Variants in DISP1 observed in about 807,000 individuals in gnomAD.
DISP1 encodes dispatched RND transporter family member 1, also known as protein dispatched homolog 1.
DISP1 carries 30 observed loss-of-function variants against 37.3 expected under a neutral mutation model. The observed-to-expected ratio is 0.80, with a 90% CI of 0.60 to 1.09. The LOEUF (loss-of-function observed/expected upper bound fraction) is 1.09, where lower values mean the gene tolerates loss of function less well. Among genes scored for constraint, DISP1 ranks in the 50% least tolerant of loss-of-function variants. The probability of loss-of-function intolerance (pLI) is 0.00; values close to 1 mark genes in which losing one functional copy is unlikely to be tolerated. For synonymous variants in DISP1, 634 were observed against 690.2 expected (o/e 0.92, Z 1.28); for missense variants, 1,598 against 1,879.5 (o/e 0.85, Z 2.77).
At chr1:222,847,371 G>T (rs1182938110) in intron 1 of DISP1, among the ~76,000 whole-genome samples, 1 of 152,122 alleles carries the variant, frequency 6.6e-6, no homozygotes, top group Non-Finnish European at 1.5e-5. Context: ...TAGAAACAAA[G>T]ATCTGAACAC....
At chr1:222,849,582 C>T (rs1316779367) in intron 1 of DISP1, among the ~76,000 whole-genome samples, 2 of 152,130 alleles carry the variant, frequency 1.3e-5, no homozygotes, top group South Asian at 4.1e-4. Flanking sequence ...GGCCACCAAT[C>T]TGACAAACAT....
chr1:222,949,133 C>T (rs1675021753), intron 3 of DISP1, among the ~76,000 whole-genome samples: 1 of 152,068 alleles, frequency 6.6e-6, no homozygotes, highest in South Asian at 2.1e-4. Flanking sequence ...GTGGCTTGAG[C>T]TTGTAATCCC....
intron 7 of DISP1, among the ~76,000 whole-genome samples, chr1:222,994,212 G>GCTAACTAT (rs1678896942): frequency 6.6e-6 from 1 of 152,102 alleles, no homozygotes; most frequent in South Asian, 2.1e-4. Flanking sequence ...AGTTGCCTAA[G>GCTAACTAT]GTCACGTAGC....
At chr1:222,849,267 C>T (rs1270984178) in intron 1 of DISP1, among the ~76,000 whole-genome samples, 2 of 152,176 alleles carry the variant, frequency 1.3e-5, no homozygotes, top group African/African-American at 2.4e-5. Flanking sequence ...CAACCACTCA[C>T]TTATAAAAGA....
intron 3 of DISP1, among the ~76,000 whole-genome samples, chr1:222,973,622 G>A (rs1677105161): frequency 6.6e-6 from 1 of 152,158 alleles, no homozygotes; most frequent in African/African-American, 2.4e-5. Flanking sequence ...TTATTAATAA[G>A]TGAACATTAA....
rs759932402 is a variant in DISP1 at position 223,002,406 on chromosome 1, G to T, written c.1009G>T (p.Gly337Cys). The T allele has an allele frequency of 6.2e-7, 1 of 1,614,010 alleles. No individual in the cohort carries two copies. Among genetic ancestry groups the T allele is most frequent in the South Asian group, 1.1e-5 (1 of 91,060 alleles). The part of the protein sequence containing the change: ...NSRIRSHPQF[G>C]DLCQRTTAAS... ...GCAGATCAGATCTCATCCCCAGTTT[G>T]GTGATCTCTGCCAGAGGACCACTGC... The change falls in exon 9 of 9, where the codon GGT becomes TGT. Residue 337 changes from glycine (G) to cysteine (C), a missense_variant. Gly to Cys is a radical substitution (Grantham distance 159). Coordinates refer to ENST00000675850, the MANE Select transcript of DISP1 (RefSeq NM_001377229.1).
At chr1:222,865,822 A>G (rs1669154761) in intron 1 of DISP1, among the ~76,000 whole-genome samples, 1 of 152,166 alleles carries the variant, frequency 6.6e-6, no homozygotes, top group African/African-American at 2.4e-5. Context: ...TACACAGAAT[A>G]ATAACTATAA....
chr1:222,925,225 T>A (rs1211911959), intron 1 of DISP1, among the ~76,000 whole-genome samples: 3 of 152,136 alleles, frequency 2.0e-5, no homozygotes, highest in Admixed American at 6.5e-5. Flanking sequence ...GATAAAAATA[T>A]AAATAAGAAT....
At position 222,898,727 on chromosome 1, in the gene DISP1, C is replaced by T. The variant is rs182568036; in HGVS notation, c.-158-29703C>T. Among the ~76,000 whole-genome samples, 521 of 152,180 alleles carry T rather than the reference C, an allele frequency of 3.4e-3. 1 individual carries two copies. The Middle Eastern group carries it at 0.038, about 11-fold the overall frequency. On this transcript the variant is annotated intron_variant, in intron 1 of 8. Coordinates refer to ENST00000675850, the MANE Select transcript of DISP1 (RefSeq NM_001377229.1). ...AAATGTGTCACCCACATGACCCACA[C>T]GACAGTTTACTGCACTTGGTGGGAA...
chr1:222,937,077 T>G (rs952583277), intron 2 of DISP1, among the ~76,000 whole-genome samples: 16 of 662 alleles, frequency 0.024, no homozygotes, highest in African/African-American at 0.11. Context: ...ATATATTATT[T>G]AATATATTAC....
At chr1:222,917,296 G>A (rs543618761) in intron 1 of DISP1, among the ~76,000 whole-genome samples, 1 of 152,262 alleles carries the variant, frequency 6.6e-6, no homozygotes, top group Non-Finnish European at 1.5e-5. Context: ...GCGGCAAGTG[G>A]CACCCAAACA....
intron 7 of DISP1, 64 bp from the exon 8 acceptor site, chr1:222,994,817 CTGAG>C: frequency 5.1e-6 from 6 of 1,186,482 alleles, no homozygotes; most frequent in Non-Finnish European, 7.5e-6. Context: ...TTTCCAAATC[CTGAG>C]TCTTATGAAA....
At chr1:222,871,290 A>G (rs1310270795) in intron 1 of DISP1, among the ~76,000 whole-genome samples, 5 of 152,132 alleles carry the variant, frequency 3.3e-5, no homozygotes, top group African/African-American at 1.2e-4. Context: ...TTTTGGTTCC[A>G]TATGAACTTT....
At chr1:222,914,936 C>T (rs1317795077) in intron 1 of DISP1, among the ~76,000 whole-genome samples, 1 of 152,064 alleles carries the variant, frequency 6.6e-6, no homozygotes, top group Admixed American at 6.6e-5. Context: ...CACTGCAGTC[C>T]AGCTTGGTTG....
Position 223,002,895 on chromosome 1 carries a change from C to A in DISP1, c.1498C>A (p.Leu500Ile). ...GIKHSLFQDY[L>I]LMDTVYPAIA... is the part of the protein sequence containing the mutation. ...CAAACACAGTTTGTTTCAGGATTAT[C>A]TTCTAATGGATACTGTGTATCCTGC... The change falls in exon 9 of 9, where the codon CTT becomes ATT. Residue 500 changes from leucine to isoleucine, a missense_variant. Coordinates refer to ENST00000675850, the MANE Select transcript of DISP1 (RefSeq NM_001377229.1). 6.2e-7 allele frequency: 1 copy of A among 1,613,984 alleles called. No individual in the cohort carries two copies. The highest frequency in any genetic ancestry group is 1.1e-5 in the South Asian group (1 of 91,080).
At chr1:222,825,069 A>G (rs889349055) in intron 1 of DISP1, among the ~76,000 whole-genome samples, 1 of 149,668 alleles carries the variant, frequency 6.7e-6, no homozygotes, top group African/African-American at 2.5e-5. Flanking sequence ...TTGCCCTAGA[A>G]GCCTGTTCAG....
intron 1 of DISP1, among the ~76,000 whole-genome samples, chr1:222,892,480 T>G (rs1670995968): frequency 6.6e-6 from 1 of 152,236 alleles, no homozygotes; most frequent in African/African-American, 2.4e-5. Context: ...AATAATAAGT[T>G]TTGACAGCAA....
chr1:222,872,772 C>T (rs965614117), intron 1 of DISP1, among the ~76,000 whole-genome samples: 2 of 152,148 alleles, frequency 1.3e-5, no homozygotes, highest in Non-Finnish European at 2.9e-5. Flanking sequence ...TCTTTATTTC[C>T]TGCAGTTCTG....
rs145263401 is a variant in DISP1, at chr1:222,833,694, A to G, written c.-159+18616A>G. 2.2e-3 allele frequency among the ~76,000 whole-genome samples: 328 copies of G among 152,304 alleles called. 2 individuals carry two copies. Among genetic ancestry groups the G allele is most frequent in the African/African-American group, 7.6e-3 (317 of 41,552 alleles). ...GTATGAGTTATGAGGTGTTCATTTC[A>G]GATGTTATGCACTGAGCTCTAATTA... On this transcript the variant is annotated intron_variant, in intron 1 of 8. Coordinates refer to ENST00000675850, the MANE Select transcript of DISP1 (RefSeq NM_001377229.1).
Sources: gnomAD v4.1 joint callset for allele counts (sites outside exome capture counted in the v4.1 genomes callset) on GRCh38, gnomAD v4.1.1 for gene constraint, MANE v1.5 for transcripts, NCBI Gene and HGNC (gene_info 2026-07-23, HGNC 2026-07-21) for gene names.